Variants in NUDCD3 observed in about 807,000 individuals in gnomAD.
The protein encoded by NUDCD3 is NudC domain containing 3.
In NUDCD3, 13 loss-of-function variants were observed where a neutral mutation model predicts 39.7. The observed-to-expected ratio is 0.33, with a 90% confidence interval of 0.21 to 0.52. The LOEUF is 0.52. Ranked by LOEUF, NUDCD3 falls within the 20% of genes least tolerant of loss-of-function variation. The probability of loss-of-function intolerance (pLI) is 0.96; values close to 1 mark genes in which losing one functional copy is unlikely to be tolerated. For missense variants in NUDCD3, 453 were observed against 458.1 expected (o/e 0.99, Z 0.10); for synonymous variants, 175 against 172.4 (o/e 1.02, Z -0.12).
rs1799063455 is a variant in NUDCD3, at chr7:44,418,187, C to A, written c.642+9384G>T. ...CCAGAGGGACTCAGCTCCAGGCCAG[C>A]CTGGACTTCACACCTACCCAGCCGA... On this transcript the variant is annotated intron_variant, in intron 3 of 5. Coordinates refer to ENST00000355451, the MANE Select transcript of NUDCD3 (RefSeq NM_015332.4). Among the ~76,000 whole-genome samples the A allele has an allele frequency of 3.9e-5, 6 of 152,276 alleles. No individual in the cohort carries two copies. In the South Asian group the frequency reaches 1.2e-3, roughly 32 times the overall value.
At chr7:44,394,225 G>A (rs1239476231) in intron 4 of NUDCD3, among the ~76,000 whole-genome samples, 3 of 151,922 alleles carry the variant, frequency 2.0e-5, no homozygotes, top group Non-Finnish European at 2.9e-5. Context: ...TAGGGGGAGT[G>A]GTGAACAGGG....
Position 44,385,195 on chromosome 7 carries a change from C to T in NUDCD3, c.*816G>A, listed in dbSNP as rs1283872189. ...TCCTCCTGAGGGCACCAGCTCTCCACTCCTGCCCACACTTTGACACCGTGC... is the reference window on the plus strand; with the variant it reads ...TCCTCCTGAGGGCACCAGCTCTCCATTCCTGCCCACACTTTGACACCGTGC... On this transcript the variant is annotated 3_prime_UTR_variant, in exon 6 of 6. Transcript: ENST00000355451. The T allele has an allele frequency of 1.3e-5, 2 of 152,320 alleles. No individual in the cohort carries two copies. The highest frequency in any genetic ancestry group is 2.9e-5 in the Non-Finnish European group (2 of 68,126). The allele number at this position is 152,320 out of a possible 1,614,324, so 9.4% of individuals were successfully genotyped here. A position where few individuals can be genotyped will look rare whatever the true frequency, so the allele number is the denominator to read the frequency against.
At chr7:44,466,412 T>C (rs1585098113) in intron 2 of NUDCD3, among the ~76,000 whole-genome samples, 1 of 152,150 alleles carries the variant, frequency 6.6e-6, no homozygotes, top group Non-Finnish European at 1.5e-5. Context: ...CTTGTTTTCC[T>C]TGGAGAGAGA....
At chr7:44,396,087 T>TTGTGTGTGTGTGTGTGTGTGTG (rs10585173) in intron 4 of NUDCD3, among the ~76,000 whole-genome samples, 9 of 145,010 alleles carry the variant, frequency 6.2e-5, no homozygotes, top group African/African-American at 2.3e-4. Flanking sequence ...TTATCTTCTG[T>TTGTGTGTGTGTGTGTGTGTGTG]TGTGTGTGTG....
At chr7:44,482,639 C>A (rs1800515169) in intron 2 of NUDCD3, among the ~76,000 whole-genome samples, 2 of 152,196 alleles carry the variant, frequency 1.3e-5, no homozygotes, top group South Asian at 4.1e-4. Context: ...CCTGCAAGAA[C>A]AAAACTCAAC....
At chr7:44,468,348 G>GAAAAA in intron 2 of NUDCD3, 1 of 305,494 alleles carries the variant, frequency 3.3e-6, no homozygotes, top group African/African-American at 7.9e-5. Flanking sequence ...TGTAAAAACT[G>GAAAAA]CAAAAAAAAA....
intron 2 of NUDCD3, among the ~76,000 whole-genome samples, chr7:44,450,313 C>A (rs1056918348): frequency 6.6e-6 from 1 of 151,832 alleles, no homozygotes; most frequent in African/African-American, 2.4e-5. Context: ...CAGTAGCAGG[C>A]TCATAGGCAA....
chr7:44,389,966 T>C (rs967680442), intron 5 of NUDCD3, among the ~76,000 whole-genome samples: 2 of 152,164 alleles, frequency 1.3e-5, no homozygotes, highest in Non-Finnish European at 2.9e-5. Flanking sequence ...TATTTTGTTT[T>C]TGAATATAAA....
Position 44,427,612 on chromosome 7 carries a change from C to T in NUDCD3, c.601G>A (p.Val201Ile), listed in dbSNP as rs1461446041. ...TWSQDYTDLE[V>I]RVPVPKHVVK... Reference sequence around the variant, plus strand: ...ACGTGCTTGGGTACTGGCACCCTGACCTCCAGGTCAGTATAGTCCTGTGAC... The same window carrying T: ...ACGTGCTTGGGTACTGGCACCCTGATCTCCAGGTCAGTATAGTCCTGTGAC... Residue 201 changes from valine (V) to isoleucine (I), a missense_variant, in exon 3 of 6, where the codon GTC becomes ATC. Val to Ile is a conservative substitution (Grantham distance 29, BLOSUM62 3). Transcript: ENST00000355451. The T allele has an allele frequency of 6.2e-7, 1 of 1,613,626 alleles. No homozygotes were observed. The highest frequency in any genetic ancestry group is 1.3e-5 in the African/African-American group (1 of 74,882).
intron 4 of NUDCD3, among the ~76,000 whole-genome samples, chr7:44,399,184 C>T (rs1236409504): frequency 6.6e-6 from 1 of 152,160 alleles, no homozygotes. Flanking sequence ...CACCATTAGC[C>T]GGCTCTGCTC....
chr7:44,479,669 A>C (rs1168688585), intron 2 of NUDCD3, among the ~76,000 whole-genome samples: 1 of 152,222 alleles, frequency 6.6e-6, no homozygotes, highest in Non-Finnish European at 1.5e-5. Flanking sequence ...GAGTCATCAG[A>C]TATCAGCAAT....
chr7:44,415,615 A>C (rs1175859017), intron 3 of NUDCD3, among the ~76,000 whole-genome samples: 1 of 152,236 alleles, frequency 6.6e-6, no homozygotes, highest in Non-Finnish European at 1.5e-5. Context: ...TGAACTCATC[A>C]TACCCATTCT....
intron 2 of NUDCD3, among the ~76,000 whole-genome samples, chr7:44,464,025 C>T (rs1800070377): frequency 6.6e-6 from 1 of 151,762 alleles, no homozygotes; most frequent in Non-Finnish European, 1.5e-5. Context: ...ACCAGCCTGA[C>T]CAATATGGTG....
chr7:44,483,683 T>C (rs1371657559), intron 2 of NUDCD3, among the ~76,000 whole-genome samples: 1 of 152,198 alleles, frequency 6.6e-6, no homozygotes. Context: ...CTCCTGTCTT[T>C]ACAAAACTTA....
In NUDCD3 at chr7:44,476,309, T is replaced by C. The variant is rs901039342; in HGVS notation, c.509+8659A>G. On this transcript the variant is annotated intron_variant, in intron 2 of 5. Transcript: ENST00000355451. ...TGTCATGATAGGTGTGTGAGTGCTA[T>C]AGAAGGAATGTTTGTGTCCCTCCAA... is the stretch of plus-strand genomic sequence containing the variant. Among the ~76,000 whole-genome samples, 6 of 152,192 alleles carry C rather than the reference T, an allele frequency of 3.9e-5. No homozygotes were observed. The East Asian group carries it at 7.7e-4, about 20-fold the overall frequency.
chr7:44,436,244 G>GT (rs1799461704), intron 2 of NUDCD3, among the ~76,000 whole-genome samples: 1 of 152,108 alleles, frequency 6.6e-6, no homozygotes. Context: ...GTATTTACGG[G>GT]TGAAATTACA....
chr7:44,415,732 T>C lies in NUDCD3; in HGVS notation c.643-11149A>G, dbSNP rs756041224. Among the ~76,000 whole-genome samples the C allele has an allele frequency of 4.1e-4, 63 of 152,148 alleles. 1 individual carries two copies. The highest frequency in any genetic ancestry group is 2.0e-4 in the Admixed American group (3 of 15,272). On this transcript the variant is annotated intron_variant, in intron 3 of 5. Coordinates refer to ENST00000355451, the MANE Select transcript of NUDCD3 (RefSeq NM_015332.4). ...GATCTGGCTCTCCTGTGAAGCTCTA[T>C]CCACAGCCCCAACACAAACACTGGG...
intron 3 of NUDCD3, among the ~76,000 whole-genome samples, chr7:44,421,395 T>C (rs935793820): frequency 6.9e-6 from 1 of 144,232 alleles, no homozygotes; most frequent in African/African-American, 2.6e-5. Flanking sequence ...AATCCATCAG[T>C]GTGCTGTATT....
Position 44,385,016 on chromosome 7 carries a change from G to C in NUDCD3, c.*995C>G, listed in dbSNP as rs1456821875. ...ACCTGGCACAGAGGATGGGAAGAGG[G>C]GAGTCTTCACTCTCTTCTGGTTCAG... On this transcript the variant is annotated 3_prime_UTR_variant, in exon 6 of 6. Coordinates refer to ENST00000355451, the MANE Select transcript of NUDCD3 (RefSeq NM_015332.4). 1 of 152,250 alleles carries C rather than the reference G, an allele frequency of 6.6e-6. No homozygotes were observed. The highest frequency in any genetic ancestry group is 1.5e-5 in the Non-Finnish European group (1 of 68,098). 9.4% of individuals were successfully genotyped at this position (152,250 alleles called of 1,614,324 possible).
Sources: allele counts gnomAD v4.1 joint callset (sites outside exome capture counted in the v4.1 genomes callset), GRCh38; gene constraint gnomAD v4.1.1; transcripts MANE v1.5; gene names NCBI Gene and HGNC (gene_info 2026-07-23, HGNC 2026-07-21).